Variants in RIMS2 observed in about 807,000 individuals in gnomAD.
The protein encoded by RIMS2 is regulating synaptic membrane exocytosis 2.
Under a neutral mutation model 174.4 loss-of-function variants are expected in RIMS2, and 59 were observed. The observed-to-expected ratio is 0.34, with a 90% CI of 0.27 to 0.42. The LOEUF is 0.42. Among genes scored for constraint, RIMS2 ranks in the 10% least tolerant of loss-of-function variants. The probability of loss-of-function intolerance (pLI) is 1.00; values close to 1 mark genes in which losing one functional copy is unlikely to be tolerated. For missense variants in RIMS2, 1,620 were observed against 1,666.3 expected (o/e 0.97, Z 0.48); for synonymous variants, 606 against 572.5 (o/e 1.06, Z -0.84).
intron 2 of RIMS2, among the ~76,000 whole-genome samples, chr8:103,736,752 A>G (rs935907559): frequency 2.0e-5 from 3 of 152,228 alleles, no homozygotes; most frequent in Admixed American, 6.5e-5. Flanking sequence ...GAAACATAAT[A>G]TAATGGCCTA....
At chr8:103,603,494 G>A (rs1254842018) in intron 1 of RIMS2, among the ~76,000 whole-genome samples, 5 of 151,804 alleles carry the variant, frequency 3.3e-5, no homozygotes, top group African/African-American at 7.2e-5. Flanking sequence ...ATGATTTAGA[G>A]TTCTTTGGGT....
At chr8:104,114,609 T>C (rs1265335782) in intron 19 of RIMS2, among the ~76,000 whole-genome samples, 7 of 151,956 alleles carry the variant, frequency 4.6e-5, no homozygotes, top group Non-Finnish European at 8.8e-5. Flanking sequence ...CATTAGAAAT[T>C]TGTTCGTAAA....
intron 2 of RIMS2, among the ~76,000 whole-genome samples, chr8:103,727,408 C>T (rs975374670): frequency 3.9e-5 from 6 of 151,918 alleles, no homozygotes; most frequent in African/African-American, 1.4e-4. Context: ...TTCTTCAATT[C>T]TGTGGGTTGT....
At chr8:103,637,139 T>G (rs2096106922) in intron 1 of RIMS2, among the ~76,000 whole-genome samples, 2 of 152,138 alleles carry the variant, frequency 1.3e-5, no homozygotes, top group Non-Finnish European at 2.9e-5. Context: ...AAGTAGGATG[T>G]TTATCCAGAT....
intron 3 of RIMS2, among the ~76,000 whole-genome samples, chr8:103,818,758 T>C (rs933269458): frequency 1.3e-5 from 2 of 152,166 alleles, no homozygotes; most frequent in African/African-American, 2.4e-5. Flanking sequence ...TCCACTTTTC[T>C]TTAAAAATAA....
intron 19 of RIMS2, among the ~76,000 whole-genome samples, chr8:104,180,468 A>C (rs941589846): frequency 6.6e-6 from 1 of 151,510 alleles, no homozygotes; most frequent in Non-Finnish European, 1.5e-5. Flanking sequence ...AAATATGTTC[A>C]GAAAAGATAT....
intron 2 of RIMS2, among the ~76,000 whole-genome samples, chr8:103,760,010 A>G (rs16870665): frequency 0.11 from 17,327 of 152,254 alleles, 1,332 homozygotes; most frequent in African/African-American, 0.22. Context: ...TTGGACTACA[A>G]TTTACTGAGT....
intron 1 of RIMS2, among the ~76,000 whole-genome samples, chr8:103,653,671 T>C (rs2096487605): frequency 6.7e-6 from 1 of 150,178 alleles, no homozygotes; most frequent in Admixed American, 6.6e-5. Context: ...ACATCTTTTA[T>C]GTCTTGTTGC....
intron 3 of RIMS2, among the ~76,000 whole-genome samples, chr8:103,781,111 G>A (rs2098383655): frequency 6.6e-6 from 1 of 152,172 alleles, no homozygotes; most frequent in African/African-American, 2.4e-5. Context: ...CTGTAGCATG[G>A]TGCTGTGGAA....
At chr8:103,728,019 C>A (rs1393140332) in intron 2 of RIMS2, among the ~76,000 whole-genome samples, 16 of 151,948 alleles carry the variant, frequency 1.1e-4, no homozygotes, top group Admixed American at 1.1e-3. Flanking sequence ...CTGTCAGTTA[C>A]TTTGGTTAGT....
chr8:104,113,391 T>G (rs2098226192), intron 19 of RIMS2, among the ~76,000 whole-genome samples: 1 of 152,262 alleles, frequency 6.6e-6, no homozygotes, highest in African/African-American at 2.4e-5. Context: ...ACATTTGTAA[T>G]TATTATAAAG....
At chr8:103,554,637 A>G (rs1319930951) in intron 1 of RIMS2, among the ~76,000 whole-genome samples, 3 of 152,194 alleles carry the variant, frequency 2.0e-5, no homozygotes, top group Non-Finnish European at 2.9e-5. Context: ...GATTTCTCAA[A>G]TAACTTAAAA....
At chr8:103,650,725 C>T (rs1386957532) in intron 1 of RIMS2, among the ~76,000 whole-genome samples, 2 of 152,208 alleles carry the variant, frequency 1.3e-5, no homozygotes, top group East Asian at 3.9e-4. Flanking sequence ...TGGGGGACCC[C>T]TCCTCATCCA....
chr8:104,045,469 C>A (rs10102490), intron 19 of RIMS2, among the ~76,000 whole-genome samples: 38,393 of 151,568 alleles, frequency 0.25, 5,263 homozygotes, highest in African/African-American at 0.35. Flanking sequence ...AAGTCTAATA[C>A]AAAATAAATT....
intron 19 of RIMS2, among the ~76,000 whole-genome samples, chr8:104,161,634 T>C (rs1226279811): frequency 2.0e-5 from 3 of 152,220 alleles, no homozygotes; most frequent in Non-Finnish European, 4.4e-5. Context: ...CAGTTTCCTA[T>C]TGAGGCCGTA....
intron 15 of RIMS2, 60 bp downstream of exon 17, chr8:103,961,193 C>A: frequency 1.2e-6 from 1 of 810,652 alleles, no homozygotes; most frequent in Admixed American, 2.0e-5. Context: ...TCATCATTTA[C>A]CATAAAAGTA....
intron 19 of RIMS2, among the ~76,000 whole-genome samples, chr8:104,224,451 T>C (rs980165873): frequency 1.3e-5 from 2 of 152,238 alleles, no homozygotes; most frequent in Non-Finnish European, 2.9e-5. Flanking sequence ...ATTTTCTTCA[T>C]GAACTTTCCT....
chr8:103,928,994 A>G (rs1281308023), intron 11 of RIMS2, among the ~76,000 whole-genome samples: 2 of 151,622 alleles, frequency 1.3e-5, no homozygotes, highest in African/African-American at 4.8e-5. Context: ...GATATCTATA[A>G]AAAACTTCAA....
intron 1 of RIMS2, among the ~76,000 whole-genome samples, chr8:103,605,205 A>G (rs28817691): frequency 0.11 from 11,484 of 102,716 alleles, 915 homozygotes; most frequent in African/African-American, 0.16. Flanking sequence ...AGTTTTTAGC[A>G]TGAAGAGTTG....
Sources: allele counts gnomAD v4.1 joint callset (sites outside exome capture counted in the v4.1 genomes callset), GRCh38; gene constraint gnomAD v4.1.1; transcripts MANE v1.5; gene names NCBI Gene and HGNC (gene_info 2026-07-23, HGNC 2026-07-21).